The following RNF111 variants were observed in gnomAD, a reference collection of about 807,000 sequenced individuals.
RNF111 encodes ring finger protein 111.
Under a neutral mutation model 95.1 loss-of-function variants are expected in RNF111, and 17 were observed. The observed-to-expected ratio is 0.18, with a 90% confidence interval of 0.12 to 0.27. The LOEUF (loss-of-function observed/expected upper bound fraction) is 0.27, where lower values mean the gene tolerates loss of function less well. RNF111 is among the 10% of genes least tolerant of loss of function. The pLI is 1.00. For missense variants in RNF111, 1,189 were observed against 1,210.4 expected, an observed-to-expected ratio of 0.98 and a Z score of 0.26; for synonymous variants, 440 against 414.8, an observed-to-expected ratio of 1.06 and a Z score of -0.74.
chr15:59,051,817 AC>A (rs1417407929), intron 2 of RNF111, among the ~76,000 whole-genome samples: 85 of 152,102 alleles, frequency 5.6e-4, no homozygotes, highest in Middle Eastern at 3.4e-3. Context: ...GAATAAATAA[AC>A]AAATGACAAA....
intron 13 of RNF111, among the ~76,000 whole-genome samples, chr15:59,092,995 C>T (rs2079094627): frequency 6.6e-6 from 1 of 152,088 alleles, no homozygotes; most frequent in South Asian, 2.1e-4. Context: ...GAGTGAGACC[C>T]TGTCTCTGAA....
intron 13 of RNF111, chr15:59,093,335 ATC>A (rs1185736050): frequency 1.0e-4 from 39 of 384,460 alleles, no homozygotes; most frequent in Non-Finnish European, 1.7e-4. Flanking sequence ...GTTTTACAGC[ATC>A]TTTTTTTTTT....
rs1197306987 is a variant in RNF111 at position 59,002,095 on chromosome 15, TTATTTC to T, written c.-20+14030_-20+14035del. ...TAAGCGGTTAAAGCTTGTGAGCTGT[TTATTTC>T]TAGAGTTTTTTCTTTAATATTTTTG... On this transcript the variant is annotated intron_variant, in intron 1 of 13. Transcript: ENST00000348370. 3.3e-5 allele frequency among the ~76,000 whole-genome samples: 5 copies of T among 152,154 alleles called. No individual in the cohort carries two copies. The East Asian group carries it at 7.7e-4, about 23-fold the overall frequency.
chr15:59,062,235 G>A (rs148611438), intron 5 of RNF111, among the ~76,000 whole-genome samples: 271 of 151,994 alleles, frequency 1.8e-3, no homozygotes, highest in African/African-American at 6.4e-3. Flanking sequence ...TAGAGATAGG[G>A]TTTTGCCATG....
chr15:59,076,077 C>T lies in RNF111; in HGVS notation c.1810C>T (p.His604Tyr). Residue 604 changes from histidine (H) to tyrosine (Y), a missense_variant, in exon 7 of 14, where the codon CAT (histidine) becomes TAT (tyrosine). Transcript: ENST00000348370. The part of the protein sequence containing the change: ...VSSSRAAIFG[H>Y]QAAAAAPSQP... ...TTCCTCCCGAGCTGCAATCTTTGGC[C>T]ATCAGGCCGCTGCTGCTGCCCCAAG... is the stretch of plus-strand genomic sequence containing the variant. 6.2e-7 allele frequency: 1 copy of T among 1,614,208 alleles called. No homozygotes were observed. Among genetic ancestry groups the T allele is most frequent in the Non-Finnish European group, 8.5e-7 (1 of 1,180,042 alleles).
intron 7 of RNF111, among the ~76,000 whole-genome samples, chr15:59,079,672 C>A (rs1465199183): frequency 6.9e-6 from 1 of 145,576 alleles, no homozygotes; most frequent in Non-Finnish European, 1.5e-5. Flanking sequence ...TTTTTTTTTA[C>A]ATGTCAAGTA....
At position 59,096,084 on chromosome 15, in the gene RNF111, G is replaced by C. The variant is rs776585022; in HGVS notation, c.*1184G>C. The C allele has an allele frequency of 1.2e-4, 49 of 398,448 alleles. No individual in the cohort carries two copies. The highest frequency in any genetic ancestry group is 2.0e-4 in the Non-Finnish European group (45 of 225,854). 24.7% of individuals were successfully genotyped at this position (398,448 alleles called of 1,614,324 possible). A position where few individuals can be genotyped will look rare whatever the true frequency, so the allele number is the denominator to read the frequency against. On this transcript the variant is annotated 3_prime_UTR_variant, in exon 14 of 14. Transcript: ENST00000348370. ...ATACTCCCACTTCATACATTACCAAGAGTCGATCACTGATTTAAAATTTTT... is the reference window on the plus strand; with the variant it reads ...ATACTCCCACTTCATACATTACCAACAGTCGATCACTGATTTAAAATTTTT...
At chr15:59,005,364 G>T (rs2039495852) in intron 1 of RNF111, among the ~76,000 whole-genome samples, 1 of 152,086 alleles carries the variant, frequency 6.6e-6, no homozygotes, top group Non-Finnish European at 1.5e-5. Context: ...TACATATTTT[G>T]ACTGACCTAA....
At chr15:59,059,397 G>C (rs1028955990) in intron 5 of RNF111, among the ~76,000 whole-genome samples, 5 of 152,150 alleles carry the variant, frequency 3.3e-5, no homozygotes, top group African/African-American at 1.2e-4. Context: ...GAACCCTTGC[G>C]AATTGCTGGT....
intron 1 of RNF111, among the ~76,000 whole-genome samples, chr15:58,996,743 T>G (rs2141402197): frequency 6.6e-6 from 1 of 151,542 alleles, no homozygotes; most frequent in East Asian, 1.9e-4. Context: ...TGTATGGATA[T>G]TTGCTTTATT....
At chr15:58,988,310 G>A (rs1167757479) in intron 1 of RNF111, 1 of 152,326 alleles carries the variant, frequency 6.6e-6, no homozygotes, top group Non-Finnish European at 1.5e-5. Flanking sequence ...GTGTGGGTGA[G>A]GGGATTTCTC....
chr15:59,066,118 G>A (rs2042643830), intron 5 of RNF111, among the ~76,000 whole-genome samples: 1 of 152,176 alleles, frequency 6.6e-6, no homozygotes, highest in South Asian at 2.1e-4. Context: ...TTTGTAGCAT[G>A]TAGTGGAAGG....
chr15:59,005,855 C>T (rs1465579978), intron 1 of RNF111, among the ~76,000 whole-genome samples: 1 of 152,140 alleles, frequency 6.6e-6, no homozygotes, highest in Non-Finnish European at 1.5e-5. Context: ...TTTACAACAA[C>T]CCTTTGTGGT....
At chr15:59,063,570 A>G (rs1410230796) in intron 5 of RNF111, among the ~76,000 whole-genome samples, 4 of 152,182 alleles carry the variant, frequency 2.6e-5, no homozygotes, top group Admixed American at 6.5e-5. Flanking sequence ...TGAATCATAT[A>G]TCTCTGTATT....
At chr15:58,999,622 C>T (rs558620205) in intron 1 of RNF111, among the ~76,000 whole-genome samples, 113 of 152,272 alleles carry the variant, frequency 7.4e-4, no homozygotes, top group African/African-American at 2.5e-3. Flanking sequence ...AGGTGTCAGC[C>T]ACTGTGCCCG....
At chr15:59,014,828 T>C (rs966194510) in intron 1 of RNF111, among the ~76,000 whole-genome samples, 3 of 151,730 alleles carry the variant, frequency 2.0e-5, no homozygotes, top group Non-Finnish European at 4.4e-5. Flanking sequence ...CCATCACGGC[T>C]CACTGCAGTC....
chr15:59,029,608 C>T lies in RNF111; in HGVS notation c.-19-1196C>T, dbSNP rs1203520353. Among the ~76,000 whole-genome samples, 4 of 152,100 alleles carry T rather than the reference C, an allele frequency of 2.6e-5. No individual in the cohort carries two copies. In the East Asian group the frequency reaches 5.8e-4, roughly 22 times the overall value. On this transcript the variant is annotated intron_variant, in intron 1 of 13. Coordinates refer to ENST00000348370, the MANE Select transcript of RNF111 (RefSeq NM_017610.8). ...CTGTAAGATTATATATTTCTGTAAC[C>T]CATTTGTAGAGAGGGAAAATACTTG...
chr15:59,043,616 T>C (rs1311665905), intron 2 of RNF111, among the ~76,000 whole-genome samples: 62 of 152,212 alleles, frequency 4.1e-4, no homozygotes, highest in Non-Finnish European at 2.9e-5. Flanking sequence ...TTTCCGGTAT[T>C]TGCTATTGTG....
At chr15:59,026,912 A>AC (rs1336210982) in intron 1 of RNF111, among the ~76,000 whole-genome samples, 2 of 151,574 alleles carry the variant, frequency 1.3e-5, no homozygotes, top group Non-Finnish European at 2.9e-5. Flanking sequence ...ACACCAAACC[A>AC]CCCCCCCTTG....
Sources: gnomAD v4.1 joint callset for allele counts (sites outside exome capture counted in the v4.1 genomes callset) on GRCh38, gnomAD v4.1.1 for gene constraint, MANE v1.5 for transcripts, NCBI Gene and HGNC (gene_info 2026-07-23, HGNC 2026-07-21) for gene names.